CASS4: variants seen among roughly 807,000 people sequenced by gnomAD.
CASS4 encodes the protein cas scaffolding protein family member 4.
Under a neutral mutation model 54.2 loss-of-function variants are expected in CASS4, and 22 were observed. The ratio of observed to expected loss-of-function variants is 0.41; its 90% CI spans 0.29 to 0.58. The LOEUF (loss-of-function observed/expected upper bound fraction) is 0.58, where lower values mean the gene tolerates loss of function less well. CASS4 is among the 20% of genes least tolerant of loss of function. The pLI is 0.36. For synonymous variants in CASS4, 409 were observed against 391.5 expected (o/e 1.04, Z -0.53); for missense variants, 854 against 986.7 (o/e 0.87, Z 1.80).
rs571011329 is a variant in CASS4 at position 56,412,584 on chromosome 20, A to G, written c.36+90A>G. On this transcript the variant is annotated intron_variant, in intron 1 of 5. Transcript: ENST00000679887. This position sits in a 1 kb window ranked among gnomAD's most constrained non-coding sequence, Gnocchi z 4.2. ...TGACCAGCTTTAGTTGTGACTTTCT[A>G]ATAAAGGTTGAATACCAGTGACGTG... The G allele has an allele frequency of 3.5e-4, 479 of 1,372,714 alleles. 4 individuals carry two copies. In the African/African-American group the frequency reaches 6.5e-3, roughly 19 times the overall value. 85.0% of individuals were successfully genotyped at this position (1,372,714 alleles called of 1,614,324 possible). A position where few individuals can be genotyped will look rare whatever the true frequency, so the allele number is the denominator to read the frequency against.
chr20:56,448,268 A>AT (rs909053039), intron 3 of CASS4, among the ~76,000 whole-genome samples: 4 of 151,942 alleles, frequency 2.6e-5, no homozygotes, highest in African/African-American at 9.7e-5. Context: ...GTTCACCATG[A>AT]TTTTTTTGCA....
intron 1 of CASS4, among the ~76,000 whole-genome samples, chr20:56,413,065 C>T (rs527690178): frequency 6.6e-6 from 1 of 151,774 alleles, no homozygotes; most frequent in African/African-American, 2.4e-5. Context: ...AAGCCAGGCA[C>T]GGTGGTACAT....
At position 56,451,811 on chromosome 20, in the gene CASS4, TC is replaced by T; in HGVS notation, c.643-5del. On this transcript the variant is annotated splice_polypyrimidine_tract_variant and splice_region_variant and intron_variant, in intron 4 of 5. Transcript: ENST00000679887. ...CTAACCCGGCAACTATGTGTGGTTCTCCCACAGGGGCAGGGTGTTCCCCTGA... is the reference window on the plus strand; with the variant it reads ...CTAACCCGGCAACTATGTGTGGTTCTCCACAGGGGCAGGGTGTTCCCCTGA... 1 of 1,599,014 alleles carries T rather than the reference TC, an allele frequency of 6.3e-7. No homozygotes were observed. The highest frequency in any genetic ancestry group is 8.5e-7 in the Non-Finnish European group (1 of 1,169,872).
chr20:56,417,343 C>T (rs1034724877), intron 1 of CASS4, among the ~76,000 whole-genome samples: 2 of 152,180 alleles, frequency 1.3e-5, no homozygotes, highest in African/African-American at 4.8e-5. Flanking sequence ...TGCCTCAGTT[C>T]CTTCCCCTTC....
chr20:56,443,536 T>G (rs1243365692), intron 2 of CASS4, among the ~76,000 whole-genome samples: 1 of 151,336 alleles, frequency 6.6e-6, no homozygotes, highest in African/African-American at 2.4e-5. Context: ...CTTGTCCACC[T>G]AGACCAATCA....
At chr20:56,426,087 A>G (rs1049478126) in intron 1 of CASS4, among the ~76,000 whole-genome samples, 1 of 152,130 alleles carries the variant, frequency 6.6e-6, no homozygotes, top group African/African-American at 2.4e-5. Flanking sequence ...GCCATCTTGT[A>G]TCTGCTAAGA....
chr20:56,445,271 A>G (rs1980651317), intron 2 of CASS4, among the ~76,000 whole-genome samples: 1 of 151,850 alleles, frequency 6.6e-6, no homozygotes, highest in African/African-American at 2.4e-5. Context: ...TCACATTGCC[A>G]GGTTCTCTTC....
Position 56,452,444 on chromosome 20 carries a change from G to T in CASS4, c.1268G>T (p.Ser423Ile). 1 of 1,613,958 alleles carries T rather than the reference G, an allele frequency of 6.2e-7. No homozygotes were observed. Among genetic ancestry groups the T allele is most frequent in the South Asian group, 1.1e-5 (1 of 91,060 alleles). Residue 423 changes from serine (S) to isoleucine (I), a missense_variant, in exon 5 of 6, where the codon AGC becomes ATC. By Grantham distance (142) the Ser-to-Ile change is moderately radical. Coordinates refer to ENST00000679887, the MANE Select transcript of CASS4 (RefSeq NM_020356.4). ...ACCACATCCACCGACGACTCCTCCA[G>T]CTCTTCCTCGGAGGAGTCAGCAAAG... ...CSTTSTDDSSSSSSEESAKEL... is the reference protein window; with the variant it reads ...CSTTSTDDSSISSSEESAKEL...
intron 1 of CASS4, among the ~76,000 whole-genome samples, chr20:56,431,859 C>T (rs890969438): frequency 1.2e-4 from 18 of 152,168 alleles, no homozygotes; most frequent in South Asian, 4.1e-4. Context: ...ATGGGAATTA[C>T]GATGAAATAT....
intron 1 of CASS4, among the ~76,000 whole-genome samples, chr20:56,416,103 G>A (rs1046322181): frequency 6.6e-6 from 1 of 152,182 alleles, no homozygotes; most frequent in Non-Finnish European, 1.5e-5. Flanking sequence ...AGGCTGGAGT[G>A]CAGTGGCATG....
rs766064182 is a variant in CASS4 at position 56,450,627 on chromosome 20, T to C, written c.590T>C (p.Ile197Thr). 10 of 1,614,118 alleles carry C rather than the reference T, an allele frequency of 6.2e-6. No homozygotes were observed. In the South Asian group the frequency reaches 8.8e-5, roughly 14 times the overall value. Residue 197 changes from isoleucine (I) to threonine (T), a missense_variant, in exon 4 of 6, where the codon ATA becomes ACA. Ile to Thr is a moderately conservative substitution (Grantham distance 89, BLOSUM62 -1). Transcript: ENST00000679887. ...KEPEKQQLYD[I>T]PASPKKAGLH... is the part of the protein sequence containing the mutation. Reference sequence around the variant, plus strand: ...CCAGAGAAGCAGCAGTTATATGACATACCAGCCAGCCCCAAGAAGGCAGGA... The same window carrying C: ...CCAGAGAAGCAGCAGTTATATGACACACCAGCCAGCCCCAAGAAGGCAGGA...
At chr20:56,446,684 T>A (rs912574509) in intron 3 of CASS4, among the ~76,000 whole-genome samples, 2 of 152,176 alleles carry the variant, frequency 1.3e-5, no homozygotes, top group African/African-American at 4.8e-5. Context: ...ACCATTGGGA[T>A]CAGTAGCTCC....
chr20:56,437,212 G>C lies in CASS4; in HGVS notation c.85G>C (p.Glu29Gln). 6.2e-7 allele frequency: 1 copy of C among 1,602,140 alleles called. No homozygotes were observed. Among genetic ancestry groups the C allele is most frequent in the Non-Finnish European group, 8.5e-7 (1 of 1,172,726 alleles). The change falls in exon 2 of 6, where the codon GAG (glutamate) becomes CAG (glutamine). Residue 29 changes from glutamate (E) to glutamine (Q), a missense_variant. By Grantham distance (29) the Glu-to-Gln change is conservative. Coordinates refer to ENST00000679887, the MANE Select transcript of CASS4 (RefSeq NM_020356.4). The surrounding 1 kb of genome is among the most constrained non-coding windows in gnomAD (Gnocchi z 4.7). ...TGACAACTGCCCTGACTGCTCTGAC[G>C]AGCTGGCTTTCAGCAGAGGGGACAT... Reference protein sequence around the residue: ...LYDNCPDCSDELAFSRGDILT... With the variant: ...LYDNCPDCSDQLAFSRGDILT...
chr20:56,439,668 C>T (rs1980367466), intron 2 of CASS4, among the ~76,000 whole-genome samples: 1 of 151,786 alleles, frequency 6.6e-6, no homozygotes, highest in Admixed American at 6.6e-5. Context: ...GGTGACTGAC[C>T]GGGACCCTGT....
At chr20:56,423,490 GTTATA>G (rs1350545486) in intron 1 of CASS4, among the ~76,000 whole-genome samples, 2 of 152,104 alleles carry the variant, frequency 1.3e-5, no homozygotes, top group African/African-American at 4.8e-5. Context: ...TGTTTAGAAA[GTTATA>G]TTCTATTCTA....
chr20:56,436,251 G>C (rs960637995), intron 1 of CASS4, among the ~76,000 whole-genome samples: 16 of 151,584 alleles, frequency 1.1e-4, no homozygotes, highest in African/African-American at 3.6e-4. Flanking sequence ...CCTGTACCAA[G>C]TACTTACTAA....
chr20:56,419,824 T>C (rs1979330519), intron 1 of CASS4, among the ~76,000 whole-genome samples: 1 of 151,958 alleles, frequency 6.6e-6, no homozygotes, highest in African/African-American at 2.4e-5. Flanking sequence ...AGGTGGATCA[T>C]CTGAGGTCGG....
chr20:56,453,693 G>C (rs1399410912), intron 5 of CASS4: 1 of 153,228 alleles, frequency 6.5e-6, no homozygotes, highest in African/African-American at 2.4e-5. Flanking sequence ...TTTGAGACCA[G>C]GCTGGGCAAC....
rs1187003586 is a variant in CASS4, at chr20:56,437,908, A to G, written c.459+322A>G. On this transcript the variant is annotated intron_variant, in intron 2 of 5. Coordinates refer to ENST00000679887, the MANE Select transcript of CASS4 (RefSeq NM_020356.4). This position sits in a 1 kb window ranked among gnomAD's most constrained non-coding sequence, Gnocchi z 4.7. ...TTCGTGGCACCCTTTTCACAGGATG[A>G]AGGATCACCAGGACTGCCAGTGACA... is the stretch of plus-strand genomic sequence containing the variant. Among the ~76,000 whole-genome samples, 1 of 152,184 alleles carries G rather than the reference A, an allele frequency of 6.6e-6. No homozygotes were observed. The highest frequency in any genetic ancestry group is 6.5e-5 in the Admixed American group (1 of 15,278).
Sources: allele counts gnomAD v4.1 joint callset (sites outside exome capture counted in the v4.1 genomes callset), GRCh38; gene constraint gnomAD v4.1.1; non-coding constraint Gnocchi (gnomAD v3.1); transcripts MANE v1.5; gene names NCBI Gene and HGNC (gene_info 2026-07-23, HGNC 2026-07-21).